The following MICU1 variants were observed in gnomAD, a reference collection of about 807,000 sequenced individuals.
MICU1 encodes the protein calcium uptake protein 1, mitochondrial.
MICU1 carries 45 observed loss-of-function variants against 56.8 expected under a neutral mutation model. The observed-to-expected ratio is 0.79, with a 90% CI of 0.62 to 1.02. The LOEUF (loss-of-function observed/expected upper bound fraction) is 1.02. Among genes scored for constraint, MICU1 ranks in the 50% least tolerant of loss-of-function variants. The pLI is 0.00. For synonymous variants in MICU1, 186 were observed against 195.1 expected (o/e 0.95, Z 0.39); for missense variants, 504 against 587.1 (o/e 0.86, Z 1.46).
At chr10:72,491,374 C>G (rs2132304061) in intron 6 of MICU1, among the ~76,000 whole-genome samples, 1 of 152,176 alleles carries the variant, frequency 6.6e-6, no homozygotes, top group African/African-American at 2.4e-5. Context: ...AAATAATTAC[C>G]CTTTAGTTTA....
chr10:72,412,778 G>A (rs1450522310), intron 9 of MICU1, among the ~76,000 whole-genome samples: 1 of 151,386 alleles, frequency 6.6e-6, no homozygotes, highest in Non-Finnish European at 1.5e-5. Flanking sequence ...TTGAACCTGG[G>A]AGGCAAAGGT....
intron 1 of MICU1, 78 bp downstream of exon 1, chr10:72,625,932 G>C (rs1272248930): frequency 6.5e-6 from 1 of 152,884 alleles, no homozygotes; most frequent in Non-Finnish European, 1.5e-5. Flanking sequence ...AGTTCCCTAA[G>C]GCTGTCTCGC....
At position 72,498,848 on chromosome 10, in the gene MICU1, T is replaced by C. The variant is rs868222091; in HGVS notation, c.652+9307A>G. ...TAATTCTGGTGGCAGTATCAGCCCA[T>C]ATAGCATACTCCTGACCACCTCGTT... On this transcript the variant is annotated intron_variant, in intron 6 of 11. Transcript: ENST00000361114. Among the ~76,000 whole-genome samples the C allele has an allele frequency of 3.9e-5, 6 of 152,234 alleles. No individual in the cohort carries two copies. In the South Asian group the frequency reaches 8.3e-4, roughly 21 times the overall value.
chr10:72,500,277 TATATATATATATATATATATATA>T (rs1866995064), intron 6 of MICU1, among the ~76,000 whole-genome samples: 1 of 8,980 alleles, frequency 1.1e-4, no homozygotes, highest in African/African-American at 2.1e-4. Flanking sequence ...TATATATATA[TATATATATATATATATATATATA>T]TATTTTTTTT....
At chr10:72,514,757 G>A (rs1415087921) in intron 5 of MICU1, among the ~76,000 whole-genome samples, 1 of 152,112 alleles carries the variant, frequency 6.6e-6, no homozygotes, top group Non-Finnish European at 1.5e-5. Context: ...CTTGCATGGG[G>A]CTTAAATGTC....
At chr10:72,505,822 CG>C (rs1460026569) in intron 6 of MICU1, among the ~76,000 whole-genome samples, 1 of 151,970 alleles carries the variant, frequency 6.6e-6, no homozygotes. Flanking sequence ...GAGGGTAGAG[CG>C]GGAGGGGGAC....
chr10:72,576,225 C>CAAAAAAAAAA (rs34829939), intron 1 of MICU1, among the ~76,000 whole-genome samples: 5 of 68,204 alleles, frequency 7.3e-5, no homozygotes, highest in Admixed American at 2.0e-4. Flanking sequence ...AAAAAAACAC[C>CAAAAAAAAAA]AAAAAAAAAA....
Position 72,589,283 on chromosome 10 carries a change from C to T in MICU1, c.-1-22489G>A, listed in dbSNP as rs371576053. On this transcript the variant is annotated intron_variant, in intron 1 of 11. Transcript: ENST00000361114. ...CAGCCTGGGCGACTGACTGAAACTCCGTCTCAGGGAAAAAAAAAAAAGGAC... is the reference window on the plus strand; with the variant it reads ...CAGCCTGGGCGACTGACTGAAACTCTGTCTCAGGGAAAAAAAAAAAAGGAC... 3.7e-3 allele frequency among the ~76,000 whole-genome samples: 557 copies of T among 150,084 alleles called. 2 individuals carry two copies. The highest frequency in any genetic ancestry group is 6.1e-3 in the Non-Finnish European group (411 of 67,828).
intron 8 of MICU1, among the ~76,000 whole-genome samples, chr10:72,426,511 T>C (rs1286759832): frequency 1.3e-5 from 2 of 151,202 alleles, no homozygotes; most frequent in African/African-American, 4.9e-5. Flanking sequence ...GATCTTCCCA[T>C]CTTAGCCTTC....
At chr10:72,453,800 G>C (rs1039859612) in intron 8 of MICU1, among the ~76,000 whole-genome samples, 1 of 151,204 alleles carries the variant, frequency 6.6e-6, no homozygotes, top group African/African-American at 2.4e-5. Flanking sequence ...CAAAGTGCTG[G>C]GATTACAGGC....
chr10:72,517,837 T>C (rs1025142369), intron 5 of MICU1, among the ~76,000 whole-genome samples: 6 of 152,070 alleles, frequency 3.9e-5, no homozygotes, highest in African/African-American at 1.4e-4. Flanking sequence ...TTTAATCTTT[T>C]AGATGGTGTT....
At chr10:72,587,998 T>C (rs1232372554) in intron 1 of MICU1, among the ~76,000 whole-genome samples, 1 of 152,156 alleles carries the variant, frequency 6.6e-6, no homozygotes, top group African/African-American at 2.4e-5. Flanking sequence ...TTTGGATTTA[T>C]GTCCCCACCT....
chr10:72,490,867 CCTT>C (rs1866631398), intron 6 of MICU1, among the ~76,000 whole-genome samples: 1 of 152,176 alleles, frequency 6.6e-6, no homozygotes. Flanking sequence ...AGTTTAATCT[CCTT>C]TGACATTTCA....
chr10:72,432,410 A>G (rs1306469572), intron 8 of MICU1, among the ~76,000 whole-genome samples: 3 of 152,158 alleles, frequency 2.0e-5, no homozygotes, highest in Non-Finnish European at 4.4e-5. Context: ...GATTACAGGC[A>G]TGAGCCACCC....
chr10:72,492,687 C>T (rs545635393), intron 6 of MICU1, among the ~76,000 whole-genome samples: 40 of 146,204 alleles, frequency 2.7e-4, no homozygotes, highest in African/African-American at 1.0e-3. Context: ...TGCTTGAACC[C>T]GGGAGGTGGA....
chr10:72,510,581 A>G (rs1286934640), intron 5 of MICU1, among the ~76,000 whole-genome samples: 3 of 152,170 alleles, frequency 2.0e-5, no homozygotes, highest in African/African-American at 7.2e-5. Context: ...TTTATAGCAC[A>G]GTGTATATTT....
chr10:72,389,771 G>C (rs573851556), intron 10 of MICU1, among the ~76,000 whole-genome samples: 8 of 152,280 alleles, frequency 5.3e-5, no homozygotes, highest in East Asian at 1.9e-4. Context: ...GGAATATTCT[G>C]AGTTATATGG....
At position 72,615,989 on chromosome 10, in the gene MICU1, AAAAAAAC is replaced by A. The variant is rs142035136; in HGVS notation, c.-2+10014_-2+10020del. On this transcript the variant is annotated intron_variant, in intron 1 of 11. Transcript: ENST00000361114. ...GGGCGACAGAGCGAGACTCCGTCTC[AAAAAAAC>A]AAAAAACAAAAAACAAAAAAAAACA... Among the ~76,000 whole-genome samples the A allele has an allele frequency of 6.9e-3, 1,050 of 152,236 alleles. 17 individuals are homozygous for A. Among genetic ancestry groups the A allele is most frequent in the African/African-American group, 0.024 (995 of 41,550 alleles).
At chr10:72,397,936 A>C (rs1024110541) in intron 10 of MICU1, among the ~76,000 whole-genome samples, 6 of 152,354 alleles carry the variant, frequency 3.9e-5, no homozygotes, top group Admixed American at 3.9e-4. Context: ...AGTGGACCTA[A>C]TAGACATCTA....
Sources: gnomAD v4.1 joint callset for allele counts (sites outside exome capture counted in the v4.1 genomes callset) on GRCh38, gnomAD v4.1.1 for gene constraint, MANE v1.5 for transcripts, NCBI Gene and HGNC (gene_info 2026-07-23, HGNC 2026-07-21) for gene names.